The following CERKL variants were observed in gnomAD, a reference collection of about 807,000 sequenced individuals.
The protein encoded by CERKL is ceramide kinase-like protein.
In CERKL, 61 loss-of-function variants were observed where a neutral mutation model predicts 63.4. The observed-to-expected ratio is 0.96, with a 90% CI of 0.78 to 1.19. The LOEUF (loss-of-function observed/expected upper bound fraction) is 1.19. Among genes scored for constraint, CERKL ranks in the 50% most tolerant of loss-of-function variants. The probability of loss-of-function intolerance (pLI) is 0.00; values close to 1 mark genes in which losing one functional copy is unlikely to be tolerated. For synonymous variants in CERKL, 250 were observed against 230.5 expected, an observed-to-expected ratio of 1.08 and a Z score of -0.77; for missense variants, 675 against 655.5, an observed-to-expected ratio of 1.03 and a Z score of -0.33.
chr2:181,632,684 A>G (rs1448251691), intron 1 of CERKL, among the ~76,000 whole-genome samples: 1 of 152,164 alleles, frequency 6.6e-6, no homozygotes, highest in Non-Finnish European at 1.5e-5. Flanking sequence ...AGTCTTTTAA[A>G]CTTTAAATGT....
rs142972142 is a variant in CERKL, at chr2:181,613,249, C to T, written c.239-9170G>A. 5.2e-3 allele frequency among the ~76,000 whole-genome samples: 792 copies of T among 152,284 alleles called. 24 individuals carry two copies. The highest frequency in any genetic ancestry group is 0.046 in the Admixed American group (705 of 15,292). ...TTTGGATTCCACATATAAGTGAGATCATCTGTTTTTAAATCTAGCCAAATT... is the reference window on the plus strand; with the variant it reads ...TTTGGATTCCACATATAAGTGAGATTATCTGTTTTTAAATCTAGCCAAATT... On this transcript the variant is annotated intron_variant, in intron 1 of 12. Coordinates refer to ENST00000410087, the MANE Select transcript of CERKL (RefSeq NM_201548.5).
intron 1 of CERKL, among the ~76,000 whole-genome samples, chr2:181,638,556 A>G (rs548951169): frequency 6.6e-6 from 1 of 152,352 alleles, no homozygotes; most frequent in South Asian, 2.1e-4. Flanking sequence ...TATAGTGATC[A>G]TAACAATAAA....
At chr2:181,656,260 A>C (rs2105564603) in intron 1 of CERKL, among the ~76,000 whole-genome samples, 1 of 152,198 alleles carries the variant, frequency 6.6e-6, no homozygotes, top group Admixed American at 6.5e-5. Flanking sequence ...ACCCAGAAAC[A>C]CTCCCAAAGC....
At chr2:181,580,448 T>C (rs1453624152) in intron 2 of CERKL, among the ~76,000 whole-genome samples, 1 of 152,242 alleles carries the variant, frequency 6.6e-6, no homozygotes, top group Non-Finnish European at 1.5e-5. Context: ...AATTATTTTA[T>C]CTGTAAATAA....
chr2:181,580,464 A>G (rs1210053874), intron 2 of CERKL, among the ~76,000 whole-genome samples: 1 of 152,110 alleles, frequency 6.6e-6, no homozygotes, highest in Admixed American at 6.6e-5. Context: ...AATAATAATC[A>G]TTTAATTTCC....
At chr2:181,651,117 A>G (rs1246533039) in intron 1 of CERKL, among the ~76,000 whole-genome samples, 1 of 152,168 alleles carries the variant, frequency 6.6e-6, no homozygotes, top group East Asian at 1.9e-4. Context: ...AACCAATATC[A>G]ATTCCTCTCA....
At position 181,596,964 on chromosome 2, in the gene CERKL, T is replaced by C. The variant is rs563254341; in HGVS notation, c.481+6873A>G. On this transcript the variant is annotated intron_variant, in intron 2 of 12. Coordinates refer to ENST00000410087, the MANE Select transcript of CERKL (RefSeq NM_201548.5). ...TAACATAAATGCTATCCTTTTTTAA[T>C]AGCACCCTATTTATATTTTCAATTT... Among the ~76,000 whole-genome samples the C allele has an allele frequency of 2.0e-5, 3 of 152,364 alleles. No homozygotes were observed. The South Asian group carries it at 6.2e-4, about 32-fold the overall frequency.
chr2:181,593,197 T>A (rs966619394), intron 2 of CERKL, among the ~76,000 whole-genome samples: 16 of 152,260 alleles, frequency 1.1e-4, no homozygotes, highest in Non-Finnish European at 2.1e-4. Flanking sequence ...ACCCAGATTA[T>A]CCATATAAAA....
intron 2 of CERKL, among the ~76,000 whole-genome samples, chr2:181,602,367 T>A (rs370643142): frequency 1.4e-4 from 21 of 152,390 alleles, no homozygotes; most frequent in African/African-American, 5.0e-4. Context: ...TTACTTCCAC[T>A]GAAATTATTA....
intron 1 of CERKL, among the ~76,000 whole-genome samples, chr2:181,648,239 A>G (rs1421459395): frequency 6.6e-6 from 1 of 152,194 alleles, no homozygotes; most frequent in East Asian, 1.9e-4. Flanking sequence ...TTATAGTCAA[A>G]CTGTCAAAAG....
chr2:181,654,497 A>C (rs937952294), intron 1 of CERKL, among the ~76,000 whole-genome samples: 1 of 152,152 alleles, frequency 6.6e-6, no homozygotes, highest in East Asian at 1.9e-4. Flanking sequence ...AAAACTAAGC[A>C]ATCTTGAAAA....
intron 4 of CERKL, among the ~76,000 whole-genome samples, chr2:181,560,440 T>C (rs1417859664): frequency 6.6e-6 from 1 of 152,212 alleles, no homozygotes; most frequent in Non-Finnish European, 1.5e-5. Flanking sequence ...TGAAATTTTG[T>C]CATAATACAT....
At chr2:181,586,707 T>C (rs892829252) in intron 2 of CERKL, among the ~76,000 whole-genome samples, 5 of 152,156 alleles carry the variant, frequency 3.3e-5, no homozygotes, top group African/African-American at 1.2e-4. Flanking sequence ...AATGTGCTAA[T>C]ATATACTAGT....
Position 181,657,060 on chromosome 2 carries a change from G to C in CERKL, c.-54C>G. Reference sequence around the variant, plus strand: ...GGGGTCCGGGGAGGCCTTTGGAGAAGGAGGTGGAGGGCGCGGCAGCCCCAG... The same window carrying C: ...GGGGTCCGGGGAGGCCTTTGGAGAACGAGGTGGAGGGCGCGGCAGCCCCAG... On this transcript the variant is annotated 5_prime_UTR_variant, in exon 1 of 13. Transcript: ENST00000410087. 6.8e-7 allele frequency: 1 copy of C among 1,463,164 alleles called. No individual in the cohort carries two copies. The highest frequency in any genetic ancestry group is 1.2e-5 in the South Asian group (1 of 83,416). The allele number at this position is 1,463,164 out of a possible 1,614,324, so 90.6% of individuals were successfully genotyped here. A position where few individuals can be genotyped will look rare whatever the true frequency, so the allele number is the denominator to read the frequency against.
intron 2 of CERKL, among the ~76,000 whole-genome samples, chr2:181,579,854 C>T (rs1684422698): frequency 1.3e-5 from 2 of 151,886 alleles, no homozygotes; most frequent in Admixed American, 1.3e-4. Context: ...TCTTTCCCCA[C>T]AGATTTTAAA....
chr2:181,566,152 G>A, intron 3 of CERKL, 31 bp from the exon 4 acceptor site: 3 of 1,546,362 alleles, frequency 1.9e-6, no homozygotes, highest in Middle Eastern at 1.7e-4. Context: ...CATACACAAA[G>A]TGACAGTTTT....
chr2:181,656,834 C>A lies in CERKL; in HGVS notation c.173G>T (p.Ser58Ile), dbSNP rs1460465689. The A allele has an allele frequency of 1.2e-6, 2 of 1,604,406 alleles. No individual in the cohort carries two copies. The highest frequency in any genetic ancestry group is 1.7e-5 in the Admixed American group (1 of 59,684). The change falls in exon 1 of 13, where the codon AGT becomes ATT. Residue 58 changes from serine to isoleucine, a missense_variant. Physicochemically the swap from Ser to Ile is moderately radical, Grantham distance 142. Coordinates refer to ENST00000410087, the MANE Select transcript of CERKL (RefSeq NM_201548.5). ...LRGIFEIGRD[S>I]CDVVLSERAL... ...TCGCTCGCTCAGCACCACGTCACAA[C>A]TGTCCCTCCCGATCTCGAAGATGCC...
At position 181,558,484 on chromosome 2, in the gene CERKL, G is replaced by A; in HGVS notation, c.820+82C>T. ...CTTTCAAAGTCTGTTCATTAATTCT[G>A]TGTTGTGCTGTCTAGATTAGCAAGT... On this transcript the variant is annotated intron_variant, in intron 5 of 12. Coordinates refer to ENST00000410087, the MANE Select transcript of CERKL (RefSeq NM_201548.5). This position sits in a 1 kb window ranked among gnomAD's most constrained non-coding sequence, Gnocchi z 4.2. 1 of 1,429,176 alleles carries A rather than the reference G, an allele frequency of 7.0e-7. No individual in the cohort carries two copies. Among genetic ancestry groups the A allele is most frequent in the Non-Finnish European group, 9.8e-7 (1 of 1,020,182 alleles). The allele number at this position is 1,429,176 out of a possible 1,614,324, so 88.5% of individuals were successfully genotyped here.
intron 10 of CERKL, among the ~76,000 whole-genome samples, chr2:181,545,967 T>A (rs991459583): frequency 6.6e-6 from 1 of 152,132 alleles, no homozygotes; most frequent in Non-Finnish European, 1.5e-5. Context: ...CAATTTGCAC[T>A]GAGATATTCT....
Sources: gnomAD v4.1 joint callset for allele counts (sites outside exome capture counted in the v4.1 genomes callset) on GRCh38, gnomAD v4.1.1 for gene constraint, Gnocchi (gnomAD v3.1) non-coding constraint, MANE v1.5 for transcripts, NCBI Gene and HGNC (gene_info 2026-07-23, HGNC 2026-07-21) for gene names.